FRMD6: variants seen among roughly 807,000 people sequenced by gnomAD.
FRMD6 encodes FERM domain containing 6.
Under a neutral mutation model 73.2 loss-of-function variants are expected in FRMD6, and 37 were observed. The observed-to-expected ratio is 0.51, with a 90% CI of 0.39 to 0.66. The LOEUF (loss-of-function observed/expected upper bound fraction) is 0.66. Ranked by LOEUF, FRMD6 falls within the 30% of genes least tolerant of loss-of-function variation. The pLI is 0.00. For missense variants in FRMD6, 714 were observed against 780.5 expected, an observed-to-expected ratio of 0.91 and a Z score of 1.02; for synonymous variants, 273 against 282.2, an observed-to-expected ratio of 0.97 and a Z score of 0.33.
chr14:51,659,851 T>C (rs1893089349), intron 1 of FRMD6, among the ~76,000 whole-genome samples: 1 of 152,246 alleles, frequency 6.6e-6, no homozygotes, highest in Admixed American at 6.5e-5. Flanking sequence ...TTATATAATG[T>C]GGGTCAGAAC....
At chr14:51,709,026 A>G (rs1896793219) in intron 7 of FRMD6, among the ~76,000 whole-genome samples, 1 of 152,100 alleles carries the variant, frequency 6.6e-6, no homozygotes, top group Non-Finnish European at 1.5e-5. Context: ...ACAGTACTCT[A>G]TATCATCTTG....
intron 2 of FRMD6, among the ~76,000 whole-genome samples, chr14:51,643,982 CTTAT>C (rs71443184): frequency 0.11 from 16,159 of 152,116 alleles, 1,149 homozygotes; most frequent in Non-Finnish European, 0.16. Flanking sequence ...TGAATGATTT[CTTAT>C]TAAGAAATTA....
intron 1 of FRMD6, among the ~76,000 whole-genome samples, chr14:51,537,465 T>C (rs1172291815): frequency 6.6e-6 from 1 of 152,256 alleles, no homozygotes; most frequent in East Asian, 1.9e-4. Flanking sequence ...TGCATAAACA[T>C]CTATGTGCAG....
At chr14:51,608,370 A>G (rs1422255240) in intron 2 of FRMD6, among the ~76,000 whole-genome samples, 1 of 152,210 alleles carries the variant, frequency 6.6e-6, no homozygotes, top group African/African-American at 2.4e-5. Flanking sequence ...TTGTACACCT[A>G]TCCTTATCAC....
At chr14:51,466,647 C>T in the FRMD6 span, among the ~76,000 whole-genome samples, 1 of 152,122 alleles carries the variant, frequency 6.6e-6, no homozygotes, top group African/African-American at 2.4e-5. Flanking sequence ...GTTAATATTA[C>T]TGTAGCTTTA....
At chr14:51,670,759 C>T (rs1259666969) in intron 1 of FRMD6, among the ~76,000 whole-genome samples, 1 of 151,916 alleles carries the variant, frequency 6.6e-6, no homozygotes, top group African/African-American at 2.4e-5. Context: ...GATTCTCCTG[C>T]CTCAGTCTCC....
intron 1 of FRMD6, among the ~76,000 whole-genome samples, chr14:51,547,284 A>G (rs1033329121): frequency 6.6e-6 from 1 of 152,226 alleles, no homozygotes; most frequent in Non-Finnish European, 1.5e-5. Flanking sequence ...GACAAGTTAC[A>G]TAATTCTAAC....
chr14:51,491,017 C>G (rs1021853604), intron 1 of FRMD6, among the ~76,000 whole-genome samples: 4 of 152,164 alleles, frequency 2.6e-5, no homozygotes, highest in African/African-American at 4.8e-5. Context: ...AATACCTTCT[C>G]TGCCCTGCCC....
the FRMD6 span, among the ~76,000 whole-genome samples, chr14:51,459,038 C>G: frequency 6.6e-6 from 1 of 152,190 alleles, no homozygotes; most frequent in Non-Finnish European, 1.5e-5. Context: ...TACGGAGCAT[C>G]GGAGATGCAC....
intron 2 of FRMD6, among the ~76,000 whole-genome samples, chr14:51,615,756 G>A (rs532267807): frequency 3.7e-4 from 57 of 152,178 alleles, no homozygotes; most frequent in Non-Finnish European, 7.1e-4. Flanking sequence ...GGAGAGTCAT[G>A]ATCCACCCAG....
At chr14:51,710,463 TC>T (rs967798399) in intron 7 of FRMD6, among the ~76,000 whole-genome samples, 1 of 152,170 alleles carries the variant, frequency 6.6e-6, no homozygotes, top group African/African-American at 2.4e-5. Context: ...AATCTGTACA[TC>T]CTTGAAAGCG....
the FRMD6 span, among the ~76,000 whole-genome samples, chr14:51,455,560 C>T: frequency 1.3e-5 from 2 of 152,164 alleles, no homozygotes; most frequent in Admixed American, 1.3e-4. Flanking sequence ...ACTGAAGCAG[C>T]ATTTTTAGCT....
intron 2 of FRMD6, among the ~76,000 whole-genome samples, chr14:51,613,044 G>T (rs975315819): frequency 6.6e-6 from 1 of 152,206 alleles, no homozygotes. Flanking sequence ...TGACTGGAAA[G>T]TATATAGGAA....
intron 13 of FRMD6, 87 bp downstream of exon 13, chr14:51,725,957 A>C (rs1897931678): frequency 2.3e-6 from 2 of 872,746 alleles, no homozygotes; most frequent in South Asian, 3.0e-5. Context: ...AAATGAGCAA[A>C]AATTAAAAAC....
At chr14:51,475,289 C>G in the FRMD6 span, among the ~76,000 whole-genome samples, 2 of 152,280 alleles carry the variant, frequency 1.3e-5, no homozygotes, top group South Asian at 4.1e-4. Flanking sequence ...TGTGGGTCAC[C>G]TAGCTCCTGA....
intron 1 of FRMD6, among the ~76,000 whole-genome samples, chr14:51,656,773 T>G (rs909892057): frequency 3.3e-5 from 5 of 152,174 alleles, no homozygotes; most frequent in African/African-American, 1.2e-4. Context: ...CAGAGTTAAA[T>G]TGATATATCA....
chr14:51,725,549 C>T (rs1897901512), intron 12 of FRMD6, among the ~76,000 whole-genome samples: 1 of 152,184 alleles, frequency 6.6e-6, no homozygotes, highest in African/African-American at 2.4e-5. Flanking sequence ...TCAGACTAAA[C>T]ATCTTCTTAC....
intron 1 of FRMD6, among the ~76,000 whole-genome samples, chr14:51,655,534 C>G (rs1424823699): frequency 6.6e-6 from 1 of 151,804 alleles, no homozygotes; most frequent in Non-Finnish European, 1.5e-5. Context: ...TGCACATTAT[C>G]CTGAGGAAGA....
the FRMD6 span, among the ~76,000 whole-genome samples, chr14:51,444,216 A>AC: frequency 6.6e-6 from 1 of 152,236 alleles, no homozygotes; most frequent in Non-Finnish European, 1.5e-5. Context: ...GGCGTGAGCC[A>AC]CCACGCCCAG....
Sources: gnomAD v4.1 joint callset for allele counts (sites outside exome capture counted in the v4.1 genomes callset) on GRCh38, gnomAD v4.1.1 for gene constraint, MANE v1.5 for transcripts, NCBI Gene and HGNC (gene_info 2026-07-23, HGNC 2026-07-21) for gene names.